Variants in IMPG1 observed in about 807,000 individuals in gnomAD.
IMPG1 encodes the protein interphotoreceptor matrix proteoglycan 1, also known as interphotoreceptor matrix proteoglycan of 150 kDa.
Under a neutral mutation model 92.0 loss-of-function variants are expected in IMPG1, and 85 were observed. The ratio of observed to expected loss-of-function variants is 0.92; its 90% CI spans 0.78 to 1.11. The LOEUF (loss-of-function observed/expected upper bound fraction) is 1.11. IMPG1 is among the 50% of genes least tolerant of loss of function. The probability of loss-of-function intolerance (pLI) is 0.00; values close to 1 mark genes in which losing one functional copy is unlikely to be tolerated. For missense variants in IMPG1, 1,022 were observed against 956.0 expected, an observed-to-expected ratio of 1.07 and a Z score of -0.91; for synonymous variants, 367 against 334.1, an observed-to-expected ratio of 1.10 and a Z score of -1.08.
chr6:76,032,674 C>T (rs1350399717), intron 4 of IMPG1, among the ~76,000 whole-genome samples: 1 of 152,124 alleles, frequency 6.6e-6, no homozygotes, highest in Non-Finnish European at 1.5e-5. Context: ...GCTGCAAACT[C>T]AAATAGTCTG....
chr6:76,072,434 G>T lies in IMPG1; in HGVS notation c.55C>A (p.Gln19Lys). 6.3e-7 allele frequency: 1 copy of T among 1,578,844 alleles called. No homozygotes were observed. Among genetic ancestry groups the T allele is most frequent in the Non-Finnish European group, 8.7e-7 (1 of 1,152,282 alleles). Residue 19 changes from glutamine (Q) to lysine (K), a missense_variant, in exon 1 of 17, where the codon CAA becomes AAA. Around this residue, in one of 3 missense-constraint regions of IMPG1, gnomAD observed 681 missense variants for 583.6 expected, o/e 1.17. Coordinates refer to ENST00000369950, the MANE Select transcript of IMPG1 (RefSeq NM_001563.4). ...IFVFWIFLQV[Q>K]GTKDISINIY... The stretch of plus-strand genomic sequence containing the variant: ...TTAAGTAACTTACCTTTGGTTCCTT[G>T]AACTTGGAGAAAAATCCAAAAAACA...
In IMPG1 at chr6:75,951,275, A is replaced by G. The variant is rs552205219; in HGVS notation, c.1292-181T>C. Among the ~76,000 whole-genome samples, 33 of 151,906 alleles carry G rather than the reference A, an allele frequency of 2.2e-4. 1 individual carries two copies. The highest frequency in any genetic ancestry group is 1.8e-3 in the Admixed American group (27 of 15,236). On this transcript the variant is annotated intron_variant, in intron 12 of 16. Transcript: ENST00000369950. Reference sequence around the variant, plus strand: ...TGGAACAGAAAGGGCAGGCAGCACTATGTCCCAACCTAGGGAGACAAAGAG... The same window carrying G: ...TGGAACAGAAAGGGCAGGCAGCACTGTGTCCCAACCTAGGGAGACAAAGAG...
At chr6:76,065,331 A>G (rs1784291209) in intron 1 of IMPG1, among the ~76,000 whole-genome samples, 2 of 152,090 alleles carry the variant, frequency 1.3e-5, no homozygotes, top group Non-Finnish European at 2.9e-5. Context: ...AACAAATACA[A>G]AGAAATCAGA....
Position 75,956,923 on chromosome 6 carries a change from T to C in IMPG1, c.1292-5829A>G, listed in dbSNP as rs558708359. On this transcript the variant is annotated intron_variant, in intron 12 of 16. Coordinates refer to ENST00000369950, the MANE Select transcript of IMPG1 (RefSeq NM_001563.4). ...ATCATTTTGAGTGAGTTTCTTTTTT[T>C]CTTTTTTATTTTTTGAGATGGAGTC... Among the ~76,000 whole-genome samples the C allele has an allele frequency of 1.7e-4, 26 of 152,212 alleles. 1 individual carries two copies. In the South Asian group the frequency reaches 5.4e-3, roughly 32 times the overall value.
intron 12 of IMPG1, among the ~76,000 whole-genome samples, chr6:75,986,569 T>C (rs1292126304): frequency 6.6e-6 from 1 of 152,062 alleles, no homozygotes; most frequent in Non-Finnish European, 1.5e-5. Flanking sequence ...ATTGGGAAAA[T>C]GGCCGTATAG....
chr6:75,978,967 G>A (rs1013168776), intron 12 of IMPG1, among the ~76,000 whole-genome samples: 5 of 152,070 alleles, frequency 3.3e-5, no homozygotes, highest in African/African-American at 1.2e-4. Flanking sequence ...GCTGGAATGC[G>A]GTGACATGAA....
intron 6 of IMPG1, among the ~76,000 whole-genome samples, chr6:76,020,751 A>G (rs1406962515): frequency 1.3e-5 from 2 of 152,112 alleles, no homozygotes; most frequent in Non-Finnish European, 2.9e-5. Flanking sequence ...CCAAATTCCT[A>G]TCTAAGGGGT....
At chr6:76,025,884 C>T (rs536402565) in intron 4 of IMPG1, among the ~76,000 whole-genome samples, 15 of 152,226 alleles carry the variant, frequency 9.9e-5, no homozygotes, top group South Asian at 2.1e-4. Flanking sequence ...GGTGGTAGAG[C>T]TATTTGTGTA....
intron 12 of IMPG1, among the ~76,000 whole-genome samples, chr6:75,976,436 C>T (rs1782534326): frequency 6.6e-6 from 1 of 152,210 alleles, no homozygotes; most frequent in Non-Finnish European, 1.5e-5. Flanking sequence ...GTGGCGCATG[C>T]CTGTAATCCC....
chr6:75,924,578 TAA>T (rs1781498206), intron 15 of IMPG1, among the ~76,000 whole-genome samples: 1 of 17,406 alleles, frequency 5.7e-5, no homozygotes, highest in Non-Finnish European at 1.3e-4. Flanking sequence ...TATATATAAT[TAA>T]TATAATTATA....
chr6:76,003,736 C>T, intron 11 of IMPG1, 138 bp downstream of exon 11: 2 of 630,510 alleles, frequency 3.2e-6, no homozygotes, highest in South Asian at 1.9e-5. Flanking sequence ...GCAAGTGCTG[C>T]TTGTAAAAAA....
At chr6:76,008,637 G>A (rs1208520371) in intron 8 of IMPG1, among the ~76,000 whole-genome samples, 1 of 152,194 alleles carries the variant, frequency 6.6e-6, no homozygotes, top group Non-Finnish European at 1.5e-5. Context: ...GCAATAGTTT[G>A]TAATCCATGA....
At chr6:76,019,757 A>T (rs1040559135) in intron 6 of IMPG1, among the ~76,000 whole-genome samples, 7 of 152,250 alleles carry the variant, frequency 4.6e-5, no homozygotes, top group Non-Finnish European at 8.8e-5. Flanking sequence ...GAAAAGTCTG[A>T]CATGCAGTAT....
chr6:76,011,388 G>T (rs1467151160), intron 7 of IMPG1, among the ~76,000 whole-genome samples, 164 bp from the exon 8 acceptor site: 2 of 151,980 alleles, frequency 1.3e-5, no homozygotes, highest in East Asian at 3.9e-4. Flanking sequence ...AGATGAAAAA[G>T]AAAAATTGAA....
At chr6:76,038,850 A>T (rs780250584) in intron 2 of IMPG1, among the ~76,000 whole-genome samples, 1 of 152,270 alleles carries the variant, frequency 6.6e-6, no homozygotes. Context: ...CAGGGAGCAC[A>T]TACCCTGGAG....
intron 6 of IMPG1, 47 bp downstream of exon 6, chr6:76,022,069 C>CA: frequency 9.4e-7 from 1 of 1,060,114 alleles, no homozygotes; most frequent in Non-Finnish European, 1.4e-6. Context: ...TGCTAAAGAA[C>CA]AAAAACAGGC....
chr6:75,987,571 T>C (rs768968737), intron 12 of IMPG1, among the ~76,000 whole-genome samples: 1 of 151,700 alleles, frequency 6.6e-6, no homozygotes, highest in Non-Finnish European at 1.5e-5. Context: ...TTTGGTTTTC[T>C]GTCCTTGGCG....
chr6:75,928,446 A>G (rs148636835), intron 15 of IMPG1: 1 of 152,122 alleles, frequency 6.6e-6, no homozygotes, highest in African/African-American at 2.4e-5. Flanking sequence ...TGATCTGCCC[A>G]CCTCGGCCTC....
chr6:76,048,105 T>C (rs1354358159), intron 1 of IMPG1, among the ~76,000 whole-genome samples: 3 of 152,194 alleles, frequency 2.0e-5, no homozygotes, highest in Non-Finnish European at 4.4e-5. Flanking sequence ...GGATGGCAAC[T>C]CCCTTGCCCC....
Sources: allele counts gnomAD v4.1 joint callset (sites outside exome capture counted in the v4.1 genomes callset), GRCh38; gene constraint gnomAD v4.1.1; regional missense constraint gnomAD v4.1.1; transcripts MANE v1.5; gene names NCBI Gene and HGNC (gene_info 2026-07-23, HGNC 2026-07-21).